Variants in EZH2 observed in about 807,000 individuals in gnomAD.
EZH2 encodes enhancer of zeste 2 polycomb repressive complex 2 subunit.
Under a neutral mutation model 98.4 loss-of-function variants are expected in EZH2, and 18 were observed. The ratio of observed to expected loss-of-function variants is 0.18; its 90% CI spans 0.13 to 0.27. The LOEUF (loss-of-function observed/expected upper bound fraction) is 0.27, where lower values mean the gene tolerates loss of function less well. Ranked by LOEUF, EZH2 falls within the 10% of genes least tolerant of loss-of-function variation. The pLI, the probability that EZH2 is intolerant of heterozygous loss-of-function variation, is 1.00. For missense variants in EZH2, 470 were observed against 935.1 expected (o/e 0.50, Z 6.49); for synonymous variants, 338 against 312.3 (o/e 1.08, Z -0.87).
Position 148,807,675 on chromosome 7 carries a change from C to G in EZH2, c.2227G>C (p.Gly743Arg). 1 of 1,597,762 alleles carries G rather than the reference C, an allele frequency of 6.3e-7. No homozygotes were observed. Among genetic ancestry groups the G allele is most frequent in the South Asian group, 1.1e-5 (1 of 87,912 alleles). Reference protein sequence around the residue: ...YSQADALKYVGIEREMEIP With the variant: ...YSQADALKYVRIEREMEIP The stretch of plus-strand genomic sequence containing the variant: ...GGGATTTCCATTTCTCTTTCGATGC[C>G]GACATACTTCAGGGCATCAGCCTGG... Residue 743 changes from glycine to arginine, a missense_variant, in exon 20 of 20, where the codon GGC becomes CGC. Coordinates refer to ENST00000320356, the MANE Select transcript of EZH2 (RefSeq NM_004456.5).
At chr7:148,844,937 G>A (rs939969495) in intron 3 of EZH2, among the ~76,000 whole-genome samples, 1 of 151,656 alleles carries the variant, frequency 6.6e-6, no homozygotes, top group Non-Finnish European at 1.5e-5. Context: ...TGCTTCTAAG[G>A]CTCAGTTTCC....
At chr7:148,849,038 T>C (rs1020191062) in intron 1 of EZH2, among the ~76,000 whole-genome samples, 1 of 152,204 alleles carries the variant, frequency 6.6e-6, no homozygotes, top group African/African-American at 2.4e-5. Context: ...ATAGTTGTTA[T>C]ACTGTATTGT....
chr7:148,835,990 T>C (rs1810813880), intron 3 of EZH2, among the ~76,000 whole-genome samples: 1 of 152,210 alleles, frequency 6.6e-6, no homozygotes, highest in African/African-American at 2.4e-5. Context: ...CACTACGTAC[T>C]ACTTCCAGTC....
intron 1 of EZH2, among the ~76,000 whole-genome samples, chr7:148,851,423 C>G (rs187577999): frequency 6.6e-6 from 1 of 152,242 alleles, no homozygotes; most frequent in East Asian, 1.9e-4. Flanking sequence ...TGCAAACACA[C>G]TTGGTTCTGT....
intron 1 of EZH2, among the ~76,000 whole-genome samples, chr7:148,856,314 T>C (rs1255066644): frequency 6.6e-6 from 1 of 152,196 alleles, no homozygotes; most frequent in Non-Finnish European, 1.5e-5. Context: ...AGTTTCTCAA[T>C]GTCACAGAAA....
At chr7:148,852,368 G>C (rs1419282720) in intron 1 of EZH2, among the ~76,000 whole-genome samples, 1 of 152,118 alleles carries the variant, frequency 6.6e-6, no homozygotes, top group Admixed American at 6.5e-5. Context: ...TTGCCACCCA[G>C]GGTCAATTCA....
Position 148,827,862 on chromosome 7 carries a change from A to C in EZH2, c.626-596T>G, listed in dbSNP as rs189135991. Among the ~76,000 whole-genome samples the C allele has an allele frequency of 1.5e-3, 236 of 152,332 alleles. 1 individual carries two copies. The highest frequency in any genetic ancestry group is 5.0e-3 in the African/African-American group (208 of 41,572). On this transcript the variant is annotated intron_variant, in intron 6 of 19. Transcript: ENST00000320356. ...GTGGGGCGCAGTGGCTCACGCCTGT[A>C]ATCCTAGCACTTTGGGAGGCCGAGG...
chr7:148,840,906 T>G (rs1812262147), intron 3 of EZH2, among the ~76,000 whole-genome samples: 1 of 152,220 alleles, frequency 6.6e-6, no homozygotes, highest in Non-Finnish European at 1.5e-5. Flanking sequence ...TTTGTTGTTT[T>G]ATTTTTAAAT....
At position 148,815,756 on chromosome 7, in the gene EZH2, T is replaced by C. The variant is rs2129470643; in HGVS notation, c.1506-210A>G. The stretch of plus-strand genomic sequence containing the variant: ...GCCCCAGGTGTGGCAAGACGTCATT[T>C]CCTGTGTTCATCCATGACTCCTGGT... On this transcript the variant is annotated intron_variant, in intron 12 of 19. Coordinates refer to ENST00000320356, the MANE Select transcript of EZH2 (RefSeq NM_004456.5). Among the ~76,000 whole-genome samples the C allele has an allele frequency of 2.0e-5, 3 of 152,348 alleles. No individual in the cohort carries two copies. The Middle Eastern group carries it at 0.01, about 518-fold the overall frequency.
At chr7:148,813,818 T>G in intron 15 of EZH2, 141 bp downstream of exon 15, 1 of 857,526 alleles carries the variant, frequency 1.2e-6, no homozygotes, top group Non-Finnish European at 1.8e-6. Context: ...CAGAGAAAAT[T>G]ATGAACACTT....
rs538823418 is a variant in EZH2 at position 148,807,786 on chromosome 7, G to GAAGAT, written c.2196-85_2196-81dup. ...GAGACTTAACACAACAAAGCCTGCTGAAGATAGTGGGTGCATTAAAATGTC... is the reference window on the plus strand; with the variant it reads ...GAGACTTAACACAACAAAGCCTGCTGAAGATAAGATAGTGGGTGCATTAAAATGTC... On this transcript the variant is annotated intron_variant, in intron 19 of 19. Transcript: ENST00000320356. 3.1e-3 allele frequency: 2,109 copies of GAAGAT among 688,302 alleles called. 11 individuals are homozygous for GAAGAT. Among genetic ancestry groups the GAAGAT allele is most frequent in the Non-Finnish European group, 4.1e-3 (1,686 of 410,390 alleles). 42.6% of individuals were successfully genotyped at this position (688,302 alleles called of 1,614,324 possible). A position where few individuals can be genotyped will look rare whatever the true frequency, so the allele number is the denominator to read the frequency against.
At chr7:148,826,004 A>T (rs945092211) in intron 8 of EZH2, among the ~76,000 whole-genome samples, 1 of 152,182 alleles carries the variant, frequency 6.6e-6, no homozygotes, top group Non-Finnish European at 1.5e-5. Context: ...AGGTATTTTT[A>T]AAAAACAACT....
intron 1 of EZH2, among the ~76,000 whole-genome samples, chr7:148,875,127 T>TA (rs899082644): frequency 3.3e-5 from 5 of 152,016 alleles, no homozygotes; most frequent in Non-Finnish European, 7.4e-5. Flanking sequence ...CTAGTTTAAT[T>TA]AAAAAAAATT....
intron 1 of EZH2, among the ~76,000 whole-genome samples, chr7:148,881,976 A>ACACGCGCGCG (rs1821052802): frequency 4.9e-5 from 1 of 20,354 alleles, no homozygotes; most frequent in Admixed American, 7.5e-4. Flanking sequence ...GCGCGCGCAC[A>ACACGCGCGCG]CACACACACA....
intron 1 of EZH2, among the ~76,000 whole-genome samples, chr7:148,853,997 G>A (rs1816340088): frequency 6.6e-6 from 1 of 152,162 alleles, no homozygotes; most frequent in Non-Finnish European, 1.5e-5. Context: ...ACAAGTCCAA[G>A]GAATCAGCAC....
At chr7:148,808,956 C>A in intron 19 of EZH2, 115 bp downstream of exon 19, 5 of 744,014 alleles carry the variant, frequency 6.7e-6, no homozygotes, top group South Asian at 1.7e-5. Flanking sequence ...CACTAATGCT[C>A]ATGGCAAAGT....
At chr7:148,861,228 C>CTT (rs200267826) in intron 1 of EZH2, among the ~76,000 whole-genome samples, 4 of 133,400 alleles carry the variant, frequency 3.0e-5, no homozygotes, top group Admixed American at 1.5e-4. Context: ...TTATTTGTAT[C>CTT]TTTTTTTTTT....
Position 148,811,655 on chromosome 7 carries a change from T to C in EZH2, c.1917A>G (p.Lys639=), listed in dbSNP as rs1301957283. 2 of 1,613,770 alleles carry C rather than the reference T, an allele frequency of 1.2e-6. No individual in the cohort carries two copies. The highest frequency in any genetic ancestry group is 1.7e-6 in the Non-Finnish European group (2 of 1,180,038). The part of the protein sequence containing the change: ...WGIFIKDPVQ[K]NEFISEYCGE... ...CACAGTATTCTGAGATGAATTCATT[T>C]TTCTGCACAGGATCTTTGATAAAAA... Residue 639 remains lysine (K), a synonymous_variant, in exon 16 of 20, where the codon AAA becomes AAG. Transcript: ENST00000320356.
intron 1 of EZH2, among the ~76,000 whole-genome samples, chr7:148,851,245 G>T (rs563550745): frequency 6.6e-6 from 1 of 152,092 alleles, no homozygotes; most frequent in Admixed American, 6.6e-5. Context: ...GAGATAAATC[G>T]CAGGGTCAGT....
Sources: allele counts gnomAD v4.1 joint callset (sites outside exome capture counted in the v4.1 genomes callset), GRCh38; gene constraint gnomAD v4.1.1; transcripts MANE v1.5; gene names NCBI Gene and HGNC (gene_info 2026-07-23, HGNC 2026-07-21).